Variants in CYREN observed in about 807,000 individuals in gnomAD.
CYREN encodes cell cycle regulator of NHEJ, also known as cell cycle regulator of non-homologous end joining.
Under a neutral mutation model 9.7 loss-of-function variants are expected in CYREN, and 7 were observed. The observed-to-expected ratio is 0.72, with a 90% CI of 0.41 to 1.36. The LOEUF is 1.36. CYREN is among the 40% of genes most tolerant of loss of function. The pLI is 0.01. For missense variants in CYREN, 215 were observed against 198.1 expected (o/e 1.09, Z -0.51); for synonymous variants, 76 against 77.9 (o/e 0.98, Z 0.13).
chr7:135,158,806 G>A (rs1026960038), intron 2 of CYREN, among the ~76,000 whole-genome samples: 7 of 152,142 alleles, frequency 4.6e-5, no homozygotes, highest in African/African-American at 9.7e-5. Flanking sequence ...CTGCTCTCCC[G>A]TCTCCCTCCT....
intron 2 of CYREN, among the ~76,000 whole-genome samples, chr7:135,123,155 G>A (rs1827380480): frequency 6.6e-6 from 1 of 152,156 alleles, no homozygotes; most frequent in Non-Finnish European, 1.5e-5. Flanking sequence ...TTGATAAAAG[G>A]TTAGAGTAGC....
intron 2 of CYREN, among the ~76,000 whole-genome samples, chr7:135,156,989 A>G (rs1042173899): frequency 1.3e-5 from 2 of 152,174 alleles, no homozygotes; most frequent in South Asian, 2.1e-4. Context: ...CCACCACCAT[A>G]TAAGAAGTGT....
In CYREN at chr7:135,129,884, T is replaced by A. The variant is rs1229252339; in HGVS notation, n.357-35302A>T. ...CATTCATACATTTTTTAATGCAAGTTGAGAAAAATTATAAGCCAAGGGTTC... is the reference window on the plus strand; with the variant it reads ...CATTCATACATTTTTTAATGCAAGTAGAGAAAAATTATAAGCCAAGGGTTC... On this transcript the variant is annotated intron_variant and non_coding_transcript_variant, in intron 2 of 2. Coordinates refer to the CYREN transcript ENST00000459937. Among the ~76,000 whole-genome samples, 6 of 152,168 alleles carry A rather than the reference T, an allele frequency of 3.9e-5. No individual in the cohort carries two copies. The East Asian group carries it at 1.2e-3, about 29-fold the overall frequency.
chr7:135,114,188 C>A (rs962572230), intron 2 of CYREN, among the ~76,000 whole-genome samples: 1 of 152,172 alleles, frequency 6.6e-6, no homozygotes, highest in Non-Finnish European at 1.5e-5. Flanking sequence ...TGGGACCCTG[C>A]TTTCAATGCT....
chr7:135,168,611 C>A, intron 2 of CYREN, 175 bp downstream of exon 2: 1 of 999,750 alleles, frequency 1.0e-6, no homozygotes, highest in Non-Finnish European at 1.4e-6. Context: ...CGAGGGTTAA[C>A]CCGCTTTGCC....
At chr7:135,162,241 A>T (rs767574509), downstream of CYREN, among the ~76,000 whole-genome samples, 9 of 152,168 alleles carry the variant, frequency 5.9e-5, no homozygotes, top group Non-Finnish European at 8.8e-5. Context: ...GAAACTGATC[A>T]TCAGGGCTGT....
chr7:135,168,292 C>CCA (rs796822139), intron 2 of CYREN: 343 of 16,190 alleles, frequency 0.021, 13 homozygotes, highest in Middle Eastern at 0.047. Flanking sequence ...AGACTCACCA[C>CCA]CCCCCCCCCG....
chr7:135,120,331 G>C (rs1170767948), intron 2 of CYREN, among the ~76,000 whole-genome samples: 1 of 152,022 alleles, frequency 6.6e-6, no homozygotes, highest in Non-Finnish European at 1.5e-5. Flanking sequence ...AATGTGAGAA[G>C]GTAAAAGGAC....
chr7:135,166,775 A>T lies in CYREN; in HGVS notation c.310T>A (p.Ser104Thr), dbSNP rs1348002161. ...PPCSVSPHTS[S>T]GSSSEEEDSG... ...TCCTCTTCCTCACTGCTGCTCCCAG[A>T]ACTTGTGTGAGGCGACACGGAGCAG... The change falls in exon 4 of 4, where the codon TCT becomes ACT. Residue 104 changes from serine (S) to threonine (T), a missense_variant. By Grantham distance (58) the Ser-to-Thr change is moderately conservative. Coordinates refer to ENST00000393114, the MANE Select transcript of CYREN (RefSeq NM_024033.4). The T allele has an allele frequency of 1.2e-6, 2 of 1,613,972 alleles. No individual in the cohort carries two copies. The highest frequency in any genetic ancestry group is 1.7e-6 in the Non-Finnish European group (2 of 1,180,026).
At chr7:135,110,818 G>A (rs1563276726) in intron 2 of CYREN, among the ~76,000 whole-genome samples, 2 of 152,100 alleles carry the variant, frequency 1.3e-5, no homozygotes, top group South Asian at 2.1e-4. Flanking sequence ...CTTAAAACTC[G>A]TTTTGCCTCC....
intron 2 of CYREN, among the ~76,000 whole-genome samples, chr7:135,121,127 C>T (rs1050749065): frequency 2.0e-5 from 3 of 152,178 alleles, no homozygotes; most frequent in Non-Finnish European, 2.9e-5. Flanking sequence ...ATCACTTGAA[C>T]CCGGGAGGTG....
chr7:135,164,289 G>C, downstream of CYREN: 1 of 700,478 alleles, frequency 1.4e-6, no homozygotes, highest in East Asian at 2.7e-5. Context: ...TCTGGTCCTT[G>C]GTGGAGGGCA....
chr7:135,170,284 C>G (rs1830558027), intron 1 of CYREN: 1 of 152,358 alleles, frequency 6.6e-6, no homozygotes, highest in Non-Finnish European at 1.5e-5. Context: ...ACCTCAGTCC[C>G]ATCCCAGCCG....
At chr7:135,112,726 T>C (rs968585117) in intron 2 of CYREN, among the ~76,000 whole-genome samples, 21 of 152,330 alleles carry the variant, frequency 1.4e-4, no homozygotes, top group Non-Finnish European at 2.1e-4. Context: ...TTCACATCTA[T>C]TTACCAAACA....
At chr7:135,126,794 G>A (rs1827935171) in intron 2 of CYREN, among the ~76,000 whole-genome samples, 1 of 152,204 alleles carries the variant, frequency 6.6e-6, no homozygotes, top group Non-Finnish European at 1.5e-5. Flanking sequence ...AATAAGTGAT[G>A]CTGGGAAAAC....
chr7:135,158,604 A>G (rs571752289), intron 2 of CYREN, among the ~76,000 whole-genome samples: 1 of 152,044 alleles, frequency 6.6e-6, no homozygotes, highest in South Asian at 2.1e-4. Context: ...TCATCAGCCC[A>G]AACTCAGGCT....
At chr7:135,117,510 A>G (rs945628320) in intron 2 of CYREN, among the ~76,000 whole-genome samples, 1 of 152,198 alleles carries the variant, frequency 6.6e-6, no homozygotes, top group African/African-American at 2.4e-5. Context: ...TGATCTTCTC[A>G]TTCTTTGCTT....
At chr7:135,127,931 C>A (rs1380692868) in intron 2 of CYREN, among the ~76,000 whole-genome samples, 1 of 152,118 alleles carries the variant, frequency 6.6e-6, no homozygotes, top group Non-Finnish European at 1.5e-5. Context: ...AACCCAAATA[C>A]CCATCAGTGA....
At chr7:135,164,854 T>G (rs1230077612), downstream of CYREN, 7 of 1,613,842 alleles carry the variant, frequency 4.3e-6, no homozygotes, top group Admixed American at 8.3e-5. Flanking sequence ...CTCTCCTATG[T>G]GTGGAAGTGG....
Sources: gnomAD v4.1 joint callset for allele counts (sites outside exome capture counted in the v4.1 genomes callset) on GRCh38, gnomAD v4.1.1 for gene constraint, MANE v1.5 for transcripts, NCBI Gene and HGNC (gene_info 2026-07-23, HGNC 2026-07-21) for gene names.